Variants in CTNND2 observed in about 807,000 individuals in gnomAD.
The protein encoded by CTNND2 is catenin delta-2.
A neutral mutation model predicts 144.4 loss-of-function variants in CTNND2; 22 were observed. The ratio of observed to expected loss-of-function variants is 0.15; its 90% CI spans 0.11 to 0.22. The LOEUF (loss-of-function observed/expected upper bound fraction) is 0.22, where lower values mean the gene tolerates loss of function less well. Ranked by LOEUF, CTNND2 falls within the 10% of genes least tolerant of loss-of-function variation. The probability of loss-of-function intolerance (pLI) is 1.00; values close to 1 mark genes in which losing one functional copy is unlikely to be tolerated. For synonymous variants in CTNND2, 751 were observed against 695.6 expected, an observed-to-expected ratio of 1.08 and a Z score of -1.25; for missense variants, 1,353 against 1,618.8, an observed-to-expected ratio of 0.84 and a Z score of 2.82.
At chr5:11,848,877 T>C (rs1394716504) in intron 1 of CTNND2, among the ~76,000 whole-genome samples, 2 of 152,148 alleles carry the variant, frequency 1.3e-5, no homozygotes, top group African/African-American at 2.4e-5. Context: ...AACAGTCTCT[T>C]GGAACCATCA....
intron 2 of CTNND2, among the ~76,000 whole-genome samples, chr5:11,630,810 C>A (rs1342261117): frequency 6.6e-6 from 1 of 151,916 alleles, no homozygotes; most frequent in Non-Finnish European, 1.5e-5. Context: ...AAACATTAGC[C>A]AGGCGTGGTG....
rs549248025 is a variant in CTNND2, at chr5:11,549,581, G to A, written c.287+15363C>T. ...CTTTAAACACATTCAAACAATTCCA[G>A]TGTTTGGGTAACACTGAGGATTTTC... On this transcript the variant is annotated intron_variant, in intron 3 of 21. Coordinates refer to ENST00000304623, the MANE Select transcript of CTNND2 (RefSeq NM_001332.4). 2.6e-5 allele frequency among the ~76,000 whole-genome samples: 4 copies of A among 152,120 alleles called. No homozygotes were observed. The South Asian group carries it at 8.3e-4, about 32-fold the overall frequency.
chr5:11,022,466 A>G (rs1047963945), intron 17 of CTNND2, among the ~76,000 whole-genome samples: 7 of 152,198 alleles, frequency 4.6e-5, no homozygotes, highest in Admixed American at 1.3e-4. Flanking sequence ...AGAGGGATGT[A>G]GAGACATCAT....
chr5:11,678,088 A>T (rs143900567), intron 2 of CTNND2, among the ~76,000 whole-genome samples: 243 of 152,230 alleles, frequency 1.6e-3, no homozygotes, highest in African/African-American at 5.6e-3. Flanking sequence ...GTCAGACAGA[A>T]CTCTGACAAT....
intron 7 of CTNND2, among the ~76,000 whole-genome samples, chr5:11,372,159 A>G (rs1757525934): frequency 6.6e-6 from 1 of 152,228 alleles, no homozygotes. Context: ...TACAAAATGA[A>G]TACTGTAAAC....
intron 1 of CTNND2, among the ~76,000 whole-genome samples, chr5:11,802,554 C>T (rs1228348226): frequency 1.3e-5 from 2 of 148,182 alleles, no homozygotes; most frequent in African/African-American, 2.6e-5. Flanking sequence ...GCAACAAGAG[C>T]GAAACTCCAT....
intron 2 of CTNND2, among the ~76,000 whole-genome samples, chr5:11,687,626 C>A (rs141960004): frequency 1.4e-4 from 21 of 152,278 alleles, no homozygotes; most frequent in African/African-American, 5.1e-4. Flanking sequence ...GTTTTCCATA[C>A]AGTACTTGGC....
chr5:11,202,530 G>A (rs1737565938), intron 10 of CTNND2, among the ~76,000 whole-genome samples: 6 of 152,130 alleles, frequency 3.9e-5, no homozygotes, highest in Admixed American at 3.9e-4. Flanking sequence ...ATCTAAGAAT[G>A]TGAGAACCCT....
At chr5:11,535,859 G>A (rs1405551682) in intron 3 of CTNND2, among the ~76,000 whole-genome samples, 5 of 152,142 alleles carry the variant, frequency 3.3e-5, no homozygotes, top group Non-Finnish European at 5.9e-5. Context: ...ACTTAGAAAA[G>A]TGTCTTGAAT....
At chr5:11,757,156 T>C (rs1001825520) in intron 1 of CTNND2, among the ~76,000 whole-genome samples, 5 of 151,520 alleles carry the variant, frequency 3.3e-5, no homozygotes, top group African/African-American at 1.2e-4. Flanking sequence ...CATACATACA[T>C]GCACATACAC....
intron 12 of CTNND2, among the ~76,000 whole-genome samples, chr5:11,155,951 C>T (rs1195383771): frequency 6.6e-6 from 1 of 152,214 alleles, no homozygotes; most frequent in African/African-American, 2.4e-5. Context: ...GAAGGCAAAG[C>T]AAGTGTCTCC....
chr5:11,462,995 C>A (rs1265545309), intron 3 of CTNND2, among the ~76,000 whole-genome samples: 1 of 152,186 alleles, frequency 6.6e-6, no homozygotes, highest in Non-Finnish European at 1.5e-5. Context: ...CTTAGTCCTG[C>A]ATTTAAAACT....
At chr5:11,702,053 G>A (rs749754124) in intron 2 of CTNND2, among the ~76,000 whole-genome samples, 6 of 152,120 alleles carry the variant, frequency 3.9e-5, no homozygotes, top group African/African-American at 1.4e-4. Context: ...CTCAACCATC[G>A]CTCTGAGAAA....
rs529631618 is a variant in CTNND2 at position 11,674,678 on chromosome 5, C to T, written c.174+57458G>A. 5.8e-4 allele frequency among the ~76,000 whole-genome samples: 88 copies of T among 152,116 alleles called. 6 individuals are homozygous for T. In the South Asian group the frequency reaches 0.018, roughly 32 times the overall value. On this transcript the variant is annotated intron_variant, in intron 2 of 21. Coordinates refer to ENST00000304623, the MANE Select transcript of CTNND2 (RefSeq NM_001332.4). ...TTCATTAGAAGTGGGATTGCGGAGTCAAAAGGTAAATGCATATGCAGTTTT... is the reference window on the plus strand; with the variant it reads ...TTCATTAGAAGTGGGATTGCGGAGTTAAAAGGTAAATGCATATGCAGTTTT...
chr5:11,187,272 C>G (rs1489107234), intron 11 of CTNND2, among the ~76,000 whole-genome samples: 1 of 152,122 alleles, frequency 6.6e-6, no homozygotes, highest in Admixed American at 6.6e-5. Context: ...ACAAATGGGA[C>G]AGAATAGAGA....
intron 12 of CTNND2, among the ~76,000 whole-genome samples, chr5:11,138,977 G>A (rs1320721033): frequency 8.4e-6 from 1 of 118,718 alleles, no homozygotes; most frequent in African/African-American, 2.8e-5. Flanking sequence ...AGAGTAAAAG[G>A]AAACTTTTTT....
chr5:11,734,759 C>T (rs942246309), intron 1 of CTNND2, among the ~76,000 whole-genome samples: 5 of 152,202 alleles, frequency 3.3e-5, no homozygotes, highest in Admixed American at 2.6e-4. Context: ...TTACGTATGT[C>T]TAGTTAATAA....
intron 8 of CTNND2, among the ~76,000 whole-genome samples, chr5:11,355,079 G>A (rs570373438): frequency 2.0e-5 from 3 of 151,988 alleles, no homozygotes; most frequent in African/African-American, 7.2e-5. Flanking sequence ...CAAAACCTAT[G>A]GGACACAACA....
intron 2 of CTNND2, among the ~76,000 whole-genome samples, chr5:11,719,793 C>T (rs532026679): frequency 2.6e-5 from 4 of 151,170 alleles, no homozygotes; most frequent in East Asian, 2.0e-4. Context: ...TCTAGGACTT[C>T]GCTACTTCTC....
Sources: allele counts gnomAD v4.1 joint callset (sites outside exome capture counted in the v4.1 genomes callset), GRCh38; gene constraint gnomAD v4.1.1; transcripts MANE v1.5; gene names NCBI Gene and HGNC (gene_info 2026-07-23, HGNC 2026-07-21).